Variants in SDC3 observed in about 807,000 individuals in gnomAD.
SDC3 encodes syndecan-3.
Under a neutral mutation model 24.4 loss-of-function variants are expected in SDC3, and 13 were observed. The ratio of observed to expected loss-of-function variants is 0.53; its 90% confidence interval spans 0.35 to 0.85. SDC3 has a LOEUF of 0.85. Ranked by LOEUF, SDC3 falls within the 40% of genes least tolerant of loss-of-function variation. SDC3 has a pLI of 0.01. For synonymous variants in SDC3, 295 were observed against 260.9 expected, an observed-to-expected ratio of 1.13 and a Z score of -1.26; for missense variants, 571 against 584.5, an observed-to-expected ratio of 0.98 and a Z score of 0.24.
At chr1:30,907,861 GC>G (rs1347892011) in intron 1 of SDC3, among the ~76,000 whole-genome samples, 6 of 152,152 alleles carry the variant, frequency 3.9e-5, no homozygotes, top group Admixed American at 2.6e-4. Context: ...CTGGCCGGCT[GC>G]CGCGACCCTG....
intron 1 of SDC3, among the ~76,000 whole-genome samples, chr1:30,902,613 G>A (rs1204308900): frequency 6.6e-6 from 1 of 152,234 alleles, no homozygotes; most frequent in East Asian, 1.9e-4. Flanking sequence ...GATGATGGGA[G>A]CAAGGGCCTG....
intron 1 of SDC3, among the ~76,000 whole-genome samples, chr1:30,879,283 G>T (rs140334758): frequency 1.9e-3 from 294 of 152,176 alleles, no homozygotes; most frequent in African/African-American, 6.5e-3. Context: ...CCCAGCCAGG[G>T]CAGGGAGCCA....
At chr1:30,874,728 G>A in intron 3 of SDC3, 140 bp from the exon 4 acceptor site, 2 of 770,526 alleles carry the variant, frequency 2.6e-6, no homozygotes, top group East Asian at 2.6e-5. Context: ...CCATGAAGGA[G>A]TGTAACAATG....
chr1:30,877,594 A>G (rs1459792200), intron 2 of SDC3: 3 of 298,758 alleles, frequency 1.0e-5, no homozygotes, highest in African/African-American at 2.1e-5. Context: ...TGGTACACTA[A>G]GGGCTTCCCC....
chr1:30,904,753 C>A (rs1013295455), intron 1 of SDC3, among the ~76,000 whole-genome samples: 2 of 152,128 alleles, frequency 1.3e-5, no homozygotes, highest in African/African-American at 4.8e-5. Context: ...ATGTGATGAC[C>A]ACTTTCATTG....
chr1:30,909,428 G>A (rs890275868), upstream of SDC3, among the ~76,000 whole-genome samples: 2 of 152,140 alleles, frequency 1.3e-5, no homozygotes, highest in African/African-American at 4.8e-5. Flanking sequence ...CTCCAGCAAG[G>A]CCCCCAGTTC....
chr1:30,888,534 C>T (rs1265879329), intron 1 of SDC3, among the ~76,000 whole-genome samples: 1 of 152,156 alleles, frequency 6.6e-6, no homozygotes, highest in Non-Finnish European at 1.5e-5. Flanking sequence ...CAAAGCCCTC[C>T]CCACACACAT....
chr1:30,894,393 TGGG>T (rs1304261987), intron 1 of SDC3, among the ~76,000 whole-genome samples: 7 of 99,564 alleles, frequency 7.0e-5, no homozygotes, highest in African/African-American at 3.0e-4. Flanking sequence ...TGTGAGTGTG[TGGG>T]GGAGTGAGAA....
In SDC3 at chr1:30,904,934, G is replaced by A. The variant is rs573524640; in HGVS notation, c.138+3515C>T. Among the ~76,000 whole-genome samples the A allele has an allele frequency of 3.3e-5, 5 of 152,240 alleles. No individual in the cohort carries two copies. In the South Asian group the frequency reaches 6.2e-4, roughly 19 times the overall value. On this transcript the variant is annotated intron_variant, in intron 1 of 4. Transcript: ENST00000339394. ...TGTGAGGCTGACACCATTACTGTCC[G>A]CATTTTATAGACAAGGACTTTGAGA...
At chr1:30,895,286 C>G (rs1471909641) in intron 1 of SDC3, among the ~76,000 whole-genome samples, 1 of 152,176 alleles carries the variant, frequency 6.6e-6, no homozygotes, top group Non-Finnish European at 1.5e-5. Context: ...GAAACATGGC[C>G]TTAGCTCCAC....
chr1:30,908,514 GCCCGGCCGCGGCCCCGGC>G lies in SDC3; in HGVS notation c.55_72del (p.Ala19_Gly24del). On this transcript the variant is annotated inframe_deletion, in exon 1 of 5. Coordinates refer to ENST00000339394, the MANE Select transcript of SDC3 (RefSeq NM_014654.4). The stretch of plus-strand genomic sequence containing the variant: ...GGCAGGAGCAGCCCGCGGGCCCCGG[GCCCGGCCGCGGCCCCGGC>G]CCCGGCGCCGGCCCCGTGGGCGGCC... 2.0e-6 allele frequency: 2 copies of G among 976,930 alleles called. No homozygotes were observed. The highest frequency in any genetic ancestry group is 2.4e-6 in the Non-Finnish European group (2 of 825,984). The allele number at this position is 976,930 out of a possible 1,614,324, so 60.5% of individuals were successfully genotyped here. A position where few individuals can be genotyped will look rare whatever the true frequency, so the allele number is the denominator to read the frequency against.
At chr1:30,908,841 G>A (rs1638593105), upstream of SDC3, 1 of 1,320 alleles carries the variant, frequency 7.6e-4, no homozygotes, top group East Asian at 0.1. Flanking sequence ...GGAGGGGCCC[G>A]GGGCGGGGCG....
chr1:30,909,166 C>G (rs1294097109), upstream of SDC3, among the ~76,000 whole-genome samples: 3 of 152,194 alleles, frequency 2.0e-5, no homozygotes, highest in African/African-American at 7.2e-5. Flanking sequence ...GTGTCTCTTC[C>G]TGGACTCCCA....
chr1:30,891,809 C>T (rs1241120956), intron 1 of SDC3, among the ~76,000 whole-genome samples: 10 of 149,850 alleles, frequency 6.7e-5, no homozygotes, highest in South Asian at 2.1e-4. Context: ...GCCAAGATCA[C>T]GCCACTGCAC....
chr1:30,878,312 T>G (rs1569996192), intron 2 of SDC3: 2 of 274,158 alleles, frequency 7.3e-6, no homozygotes, highest in Non-Finnish European at 1.4e-5. Context: ...CACAGCTTAT[T>G]GCACCTGACG....
chr1:30,894,500 GA>G (rs1175310899), intron 1 of SDC3, among the ~76,000 whole-genome samples: 2,042 of 114,960 alleles, frequency 0.018, 96 homozygotes, highest in African/African-American at 0.075. Context: ...TGTGGGGGGT[GA>G]GTATGAGTGG....
At chr1:30,897,269 T>G (rs1638291373) in intron 1 of SDC3, among the ~76,000 whole-genome samples, 2 of 152,178 alleles carry the variant, frequency 1.3e-5, no homozygotes, top group South Asian at 4.1e-4. Context: ...TCATTGCACT[T>G]CTCTGATCCT....
intron 1 of SDC3, among the ~76,000 whole-genome samples, chr1:30,894,637 GGGTGTGTGTGGGGTGTGTGTGGGT>G (rs1415852728): frequency 2.5e-5 from 1 of 39,378 alleles, no homozygotes; most frequent in Non-Finnish European, 6.2e-5. Context: ...GAGAGTGTGT[GGGTGTGTGTGGGGTGTGTGTGGGT>G]GAGTGTGTGT....
At chr1:30,891,366 G>A (rs927324401) in intron 1 of SDC3, among the ~76,000 whole-genome samples, 5 of 152,366 alleles carry the variant, frequency 3.3e-5, no homozygotes, top group African/African-American at 1.2e-4. Context: ...CAGCCGCCAA[G>A]CCCCTCGGGT....
Sources: gnomAD v4.1 joint callset for allele counts (sites outside exome capture counted in the v4.1 genomes callset) on GRCh38, gnomAD v4.1.1 for gene constraint, MANE v1.5 for transcripts, NCBI Gene and HGNC (gene_info 2026-07-23, HGNC 2026-07-21) for gene names.